SDHC: variants seen among roughly 807,000 people sequenced by gnomAD.
SDHC encodes the protein succinate dehydrogenase complex subunit C.
SDHC carries 11 observed loss-of-function variants against 22.6 expected under a neutral mutation model. The ratio of observed to expected loss-of-function variants is 0.49; its 90% CI spans 0.31 to 0.81. The LOEUF (loss-of-function observed/expected upper bound fraction) is 0.81, where lower values mean the gene tolerates loss of function less well. Among genes scored for constraint, SDHC ranks in the 30% least tolerant of loss-of-function variants. SDHC has a pLI of 0.05. For synonymous variants in SDHC, 80 were observed against 77.8 expected (o/e 1.03, Z -0.15); for missense variants, 160 against 212.0 (o/e 0.75, Z 1.52).
At chr1:161,360,107 G>A (rs1387161162) in intron 5 of SDHC, among the ~76,000 whole-genome samples, 2 of 151,650 alleles carry the variant, frequency 1.3e-5, no homozygotes, top group South Asian at 2.1e-4. Context: ...CAGACTGTGG[G>A]TGTATGTGTG....
intron 4 of SDHC, among the ~76,000 whole-genome samples, chr1:161,356,377 A>G (rs180875557): frequency 1.3e-5 from 2 of 152,190 alleles, no homozygotes; most frequent in East Asian, 3.9e-4. Context: ...TGTCTCTACT[A>G]AAAATACAAA....
At chr1:161,315,542 C>T (rs932066089) in intron 1 of SDHC, among the ~76,000 whole-genome samples, 3 of 152,084 alleles carry the variant, frequency 2.0e-5, no homozygotes, top group African/African-American at 7.2e-5. Flanking sequence ...ATTTTGGTAT[C>T]GATGTTAGGG....
At chr1:161,361,656 G>A (rs900425856) in intron 5 of SDHC, among the ~76,000 whole-genome samples, 4 of 152,070 alleles carry the variant, frequency 2.6e-5, no homozygotes, top group African/African-American at 2.4e-5. Flanking sequence ...TGGCTAACTC[G>A]ATGAAACCCC....
intron 2 of SDHC, among the ~76,000 whole-genome samples, chr1:161,328,065 G>A (rs185290243): frequency 5.4e-5 from 8 of 149,510 alleles, no homozygotes; most frequent in East Asian, 2.0e-4. Context: ...GTGCGATGGC[G>A]CAATCTTGGC....
chr1:161,322,565 GT>G (rs922476506), intron 1 of SDHC, among the ~76,000 whole-genome samples: 3 of 145,438 alleles, frequency 2.1e-5, no homozygotes, highest in African/African-American at 7.8e-5. Context: ...TTGTTTGTTT[GT>G]TTTTGTTTTT....
At chr1:161,332,636 CTT>C (rs36047860) in intron 3 of SDHC, among the ~76,000 whole-genome samples, 23 of 137,220 alleles carry the variant, frequency 1.7e-4, no homozygotes, top group Non-Finnish European at 1.9e-4. Context: ...CTTTTTCTTT[CTT>C]TTTTTTTTTT....
chr1:161,356,843 A>G lies in SDHC; in HGVS notation c.405+3A>G, dbSNP rs746118169. 1.2e-6 allele frequency: 2 copies of G among 1,613,850 alleles called. No individual in the cohort carries two copies. Among genetic ancestry groups the G allele is most frequent in the Non-Finnish European group, 1.7e-6 (2 of 1,179,798 alleles). On this transcript the variant is annotated splice_donor_region_variant and intron_variant, in intron 5 of 5. Coordinates refer to ENST00000367975, the MANE Select transcript of SDHC (RefSeq NM_003001.5). ...CCTGGAATGGGATCCGACACTTGGT[A>G]AGTTAATTCGGGATTTGCACATTTT...
At position 161,363,107 on chromosome 1, in the gene SDHC, C is replaced by G. The variant is rs2102388410; in HGVS notation, c.*674C>G. Reference sequence around the variant, plus strand: ...TGGTTATTTCTTTTTCTTGGATTTCCAGAAAAGCCTCTTAATTTTATGCTT... The same window carrying G: ...TGGTTATTTCTTTTTCTTGGATTTCGAGAAAAGCCTCTTAATTTTATGCTT... On this transcript the variant is annotated 3_prime_UTR_variant, in exon 6 of 6. Transcript: ENST00000367975. The G allele has an allele frequency of 4.3e-6, 1 of 234,752 alleles. No homozygotes were observed. Among genetic ancestry groups the G allele is most frequent in the African/African-American group, 2.2e-5 (1 of 45,394 alleles). The allele number at this position is 234,752 out of a possible 1,614,324, so 14.5% of individuals were successfully genotyped here. A position where few individuals can be genotyped will look rare whatever the true frequency, so the allele number is the denominator to read the frequency against.
At chr1:161,337,327 C>A (rs756347687) in intron 3 of SDHC, among the ~76,000 whole-genome samples, 4 of 152,196 alleles carry the variant, frequency 2.6e-5, no homozygotes, top group Admixed American at 6.5e-5. Context: ...CAGTCACTCA[C>A]ATGTCTTGGA....
intron 1 of SDHC, among the ~76,000 whole-genome samples, chr1:161,318,953 A>G (rs1438608707): frequency 6.6e-6 from 1 of 152,218 alleles, no homozygotes; most frequent in African/African-American, 2.4e-5. Context: ...CCGAGGCAGG[A>G]GAATCACTTG....
intron 3 of SDHC, among the ~76,000 whole-genome samples, chr1:161,339,213 C>G (rs1430342872): frequency 1.3e-5 from 2 of 152,074 alleles, no homozygotes; most frequent in African/African-American, 2.4e-5. Context: ...CTCTGTCTCT[C>G]TCTCCCCAAC....
intron 3 of SDHC, among the ~76,000 whole-genome samples, chr1:161,331,594 CTTT>C (rs376565137): frequency 7.5e-6 from 1 of 132,648 alleles, no homozygotes; most frequent in Non-Finnish European, 1.6e-5. Flanking sequence ...CAGTAAATAT[CTTT>C]TTTTTTTTTT....
intron 4 of SDHC, among the ~76,000 whole-genome samples, chr1:161,341,988 A>T (rs1478330600): frequency 6.6e-6 from 1 of 152,090 alleles, no homozygotes; most frequent in African/African-American, 2.4e-5. Context: ...TGTGTTTTAT[A>T]TATTTCTGTC....
intron 5 of SDHC, among the ~76,000 whole-genome samples, chr1:161,358,991 G>C (rs11578160): frequency 0.11 from 16,266 of 150,972 alleles, 1,006 homozygotes; most frequent in African/African-American, 0.15. Flanking sequence ...TGTAATCCCA[G>C]CTACTTGGGA....
At chr1:161,362,185 G>T in intron 5 of SDHC, 144 bp from the exon 6 acceptor site, 1 of 939,990 alleles carries the variant, frequency 1.1e-6, no homozygotes, top group Non-Finnish European at 1.7e-6. Flanking sequence ...GGGTAAAGGT[G>T]GGGCATAAGG....
chr1:161,361,998 A>G (rs1459041507), intron 5 of SDHC, among the ~76,000 whole-genome samples: 2 of 152,082 alleles, frequency 1.3e-5, no homozygotes, highest in Non-Finnish European at 2.9e-5. Context: ...AGAAACATTA[A>G]TCTAGATGTG....
At chr1:161,359,248 A>G (rs531747200) in intron 5 of SDHC, among the ~76,000 whole-genome samples, 1 of 152,142 alleles carries the variant, frequency 6.6e-6, no homozygotes, top group Non-Finnish European at 1.5e-5. Context: ...TTGACTTTTT[A>G]TTACTTCCAA....
chr1:161,318,734 T>C (rs938950882), intron 1 of SDHC, among the ~76,000 whole-genome samples: 1 of 152,172 alleles, frequency 6.6e-6, no homozygotes, highest in African/African-American at 2.4e-5. Context: ...GACATTATTA[T>C]AGGTACTGTG....
At chr1:161,334,934 A>G (rs946502735) in intron 3 of SDHC, among the ~76,000 whole-genome samples, 1 of 152,146 alleles carries the variant, frequency 6.6e-6, no homozygotes, top group Non-Finnish European at 1.5e-5. Context: ...AACCATCACA[A>G]TGTTACTATC....
Sources: gnomAD v4.1 joint callset for allele counts (sites outside exome capture counted in the v4.1 genomes callset) on GRCh38, gnomAD v4.1.1 for gene constraint, MANE v1.5 for transcripts, NCBI Gene and HGNC (gene_info 2026-07-23, HGNC 2026-07-21) for gene names.